The following RBM23 variants were observed in gnomAD, a reference collection of about 807,000 sequenced individuals.
RBM23 encodes probable RNA-binding protein 23.
Under a neutral mutation model 56.2 loss-of-function variants are expected in RBM23, and 53 were observed. That is an observed-to-expected ratio of 0.94 (90% CI 0.76 to 1.19). The LOEUF (loss-of-function observed/expected upper bound fraction) is 1.19. Ranked by LOEUF, RBM23 falls within the 50% of genes most tolerant of loss-of-function variation. RBM23 has a pLI of 0.00. For missense variants in RBM23, 642 were observed against 590.3 expected (o/e 1.09, Z -0.91); for synonymous variants, 197 against 198.5 (o/e 0.99, Z 0.06).
Position 22,900,721 on chromosome 14 carries a change from A to T in RBM23, c.*1009T>A, listed in dbSNP as rs904938253. 6.6e-6 allele frequency: 1 copy of T among 152,112 alleles called. No individual in the cohort carries two copies. Among genetic ancestry groups the T allele is most frequent in the Non-Finnish European group, 1.5e-5 (1 of 68,026 alleles). 9.4% of individuals were successfully genotyped at this position (152,112 alleles called of 1,614,324 possible). A position where few individuals can be genotyped will look rare whatever the true frequency, so the allele number is the denominator to read the frequency against. ...AGAAGTTGTCAGACACACAACAAAG[A>T]CCACACACAAATGGGCAACAGCTGC... On this transcript the variant is annotated 3_prime_UTR_variant, in exon 14 of 14. Transcript: ENST00000359890.
chr14:22,902,544 T>C, intron 10 of RBM23, 162 bp from the exon 11 acceptor site: 1 of 1,348,116 alleles, frequency 7.4e-7, no homozygotes, highest in East Asian at 2.7e-5. Flanking sequence ...CACCTCAAAA[T>C]GGTTCTCTGA....
In RBM23 at chr14:22,918,252, G is replaced by C. The variant is rs910448869; in HGVS notation, c.-11+747C>G. Among the ~76,000 whole-genome samples the C allele has an allele frequency of 5.3e-5, 8 of 151,956 alleles. No homozygotes were observed. The South Asian group carries it at 1.7e-3, about 32-fold the overall frequency. The stretch of plus-strand genomic sequence containing the variant: ...TCTATTAAAAATACAAAAATTAGCC[G>C]GGCGTTGTGGCAGGCGCCTGTAATC... On this transcript the variant is annotated intron_variant, in intron 1 of 13. Coordinates refer to ENST00000359890, the MANE Select transcript of RBM23 (RefSeq NM_001077351.2).
At position 22,904,924 on chromosome 14, in the gene RBM23, A is replaced by C; in HGVS notation, c.815T>G (p.Phe272Cys). 2 of 1,614,176 alleles carry C rather than the reference A, an allele frequency of 1.2e-6. No individual in the cohort carries two copies. The highest frequency in any genetic ancestry group is 1.7e-6 in the Non-Finnish European group (2 of 1,180,018). ...CCGGAGCATGTCTTCAGTGATATTG[A>C]AGTGCAGGGAACCCACATAGAGGCG... Reference protein sequence around the residue: ...PMRLYVGSLHFNITEDMLRGI... With the variant: ...PMRLYVGSLHCNITEDMLRGI... Residue 272 changes from phenylalanine (F) to cysteine (C), a missense_variant, in exon 9 of 14, where the codon TTC (phenylalanine) becomes TGC (cysteine). Coordinates refer to ENST00000359890, the MANE Select transcript of RBM23 (RefSeq NM_001077351.2).
rs746677482 is a variant in RBM23 at position 22,905,332 on chromosome 14, T to C, written c.573+4A>G. ...TCAGAAGAAAACTAAGGTGGGAGGG[T>C]TACCTTGCCTACAGCAGAGAAAAAG... On this transcript the variant is annotated splice_donor_region_variant and intron_variant, in intron 7 of 13. Coordinates refer to ENST00000359890, the MANE Select transcript of RBM23 (RefSeq NM_001077351.2). 13 of 1,613,856 alleles carry C rather than the reference T, an allele frequency of 8.1e-6. No homozygotes were observed. In the East Asian group the frequency reaches 2.7e-4, roughly 33 times the overall value.
Position 22,911,338 on chromosome 14 carries a change from T to C in RBM23, c.56A>G (p.Lys19Arg). 6.2e-7 allele frequency: 1 copy of C among 1,613,680 alleles called. No homozygotes were observed. Among genetic ancestry groups the C allele is most frequent in the Middle Eastern group, 1.7e-4 (1 of 6,054 alleles). Residue 19 changes from lysine to arginine, a missense_variant, in exon 2 of 14, where the codon AAA becomes AGA. Transcript: ENST00000359890. Reference protein sequence around the residue: ...VIEAMLEAPYKKEEDEQQRKE... With the variant: ...VIEAMLEAPYRKEEDEQQRKE... ...GGTGGAAAATATTACCTCTTCTTTT[T>C]TATAGGGAGCTTCCAGCATGGCCTC... is the stretch of plus-strand genomic sequence containing the variant.
In RBM23 at chr14:22,901,476, A is replaced by G; in HGVS notation, c.*254T>C. The G allele has an allele frequency of 3.4e-6, 2 of 593,232 alleles. No individual in the cohort carries two copies. Among genetic ancestry groups the G allele is most frequent in the Non-Finnish European group, 3.0e-6 (1 of 330,866 alleles). The allele number at this position is 593,232 out of a possible 1,614,324, so 36.7% of individuals were successfully genotyped here. The stretch of plus-strand genomic sequence containing the variant: ...GTAATCTCAGAGACGATACACATGG[A>G]GAAACAGGTATTCAATGCAGGTGTG... On this transcript the variant is annotated 3_prime_UTR_variant, in exon 14 of 14. Transcript: ENST00000359890.
rs1482413893 is a variant in RBM23, at chr14:22,897,051, G to A, written c.*4679C>T. The A allele has an allele frequency of 6.6e-6, 1 of 152,210 alleles. No individual in the cohort carries two copies. The highest frequency in any genetic ancestry group is 1.5e-5 in the Non-Finnish European group (1 of 68,044). 9.4% of individuals were successfully genotyped at this position (152,210 alleles called of 1,614,324 possible). Reference sequence around the variant, plus strand: ...CCATGGTAACATCAGAAAGAGTAAAGCTGCATCTTCTCTCCTGGTGGAGTG... The same window carrying A: ...CCATGGTAACATCAGAAAGAGTAAAACTGCATCTTCTCTCCTGGTGGAGTG... On this transcript the variant is annotated 3_prime_UTR_variant, in exon 14 of 14. Transcript: ENST00000359890.
chr14:22,911,560 A>C (rs773554186), intron 1 of RBM23, 157 bp from the exon 2 acceptor site: 1 of 565,332 alleles, frequency 1.8e-6, no homozygotes, highest in Non-Finnish European at 3.1e-6. Flanking sequence ...GCTGTCACTT[A>C]CTCTAGGTTT....
intron 1 of RBM23, among the ~76,000 whole-genome samples, chr14:22,912,717 C>A (rs778010472): frequency 6.6e-6 from 1 of 152,072 alleles, no homozygotes; most frequent in Non-Finnish European, 1.5e-5. Flanking sequence ...AGGCCAGGCG[C>A]GGTGGCTCAT....
At chr14:22,904,606 G>C (rs1196795124) in intron 9 of RBM23, among the ~76,000 whole-genome samples, 1 of 151,640 alleles carries the variant, frequency 6.6e-6, no homozygotes. Context: ...CGACTAGTTG[G>C]GACTATAGGC....
Position 22,901,832 on chromosome 14 carries a change from A to G in RBM23, c.1298T>C (p.Leu433Pro). The G allele has an allele frequency of 6.2e-7, 1 of 1,614,228 alleles. No individual in the cohort carries two copies. Among genetic ancestry groups the G allele is most frequent in the Non-Finnish European group, 8.5e-7 (1 of 1,180,036 alleles). ...GACTCACATGGTCTGGGGGGTAAAG[A>G]GGCTGGAGAGCTGGAAACACTGGGA... ...LASQCFQLSS[L>P]FTPQTM Residue 433 changes from leucine (L) to proline (P), a missense_variant, in exon 13 of 14, where the codon CTC (leucine) becomes CCC (proline). By Grantham distance (98) the Leu-to-Pro change is moderately conservative. Coordinates refer to ENST00000359890, the MANE Select transcript of RBM23 (RefSeq NM_001077351.2).
At chr14:22,916,087 G>A (rs1044120694) in intron 1 of RBM23, among the ~76,000 whole-genome samples, 11 of 152,070 alleles carry the variant, frequency 7.2e-5, no homozygotes, top group African/African-American at 2.7e-4. Context: ...ATGGTGGTGC[G>A]TGCCTGTAGT....
At position 22,911,389 on chromosome 14, in the gene RBM23, G is replaced by A. The variant is rs1416522234; in HGVS notation, c.5C>T (p.Ala2Val). Residue 2 changes from alanine to valine, a missense_variant, in exon 2 of 14, where the codon GCA becomes GTA. Ala to Val is a moderately conservative substitution (Grantham distance 64). Transcript: ENST00000359890. The stretch of plus-strand genomic sequence containing the variant: ...AATCACTATGTCAAAGTCATCAGAT[G>A]CCATCCTGTCAGATCTGGGGAGAGG... M[A>V]SDDFDIVIEA... 1 of 1,613,324 alleles carries A rather than the reference G, an allele frequency of 6.2e-7. No homozygotes were observed. The highest frequency in any genetic ancestry group is 8.5e-7 in the Non-Finnish European group (1 of 1,179,432).
In RBM23 at chr14:22,904,921, T is replaced by A. The variant is rs201316196; in HGVS notation, c.818A>T (p.Asn273Ile). ...GCCCCGGAGCATGTCTTCAGTGATA[T>A]TGAAGTGCAGGGAACCCACATAGAG... The part of the protein sequence containing the change: ...MRLYVGSLHF[N>I]ITEDMLRGIF... Residue 273 changes from asparagine (N) to isoleucine (I), a missense_variant, in exon 9 of 14, where the codon AAT becomes ATT. Transcript: ENST00000359890. 6.2e-7 allele frequency: 1 copy of A among 1,614,202 alleles called. No homozygotes were observed. The highest frequency in any genetic ancestry group is 8.5e-7 in the Non-Finnish European group (1 of 1,180,030).
rs778116208 is a variant in RBM23, at chr14:22,906,309, C to T, written c.287G>A (p.Arg96Gln). 1.1e-5 allele frequency: 17 copies of T among 1,614,102 alleles called. No individual in the cohort carries two copies. The highest frequency in any genetic ancestry group is 1.6e-4 in the Middle Eastern group (1 of 6,084). Residue 96 changes from arginine (R) to glutamine (Q), a missense_variant, in exon 5 of 14, where the codon CGG becomes CAG. By Grantham distance (43) the Arg-to-Gln change is conservative. Transcript: ENST00000359890. ...GCTACGGCTACGGTGACGACACTGC[C>T]GACCTGGACTTCGGCTCCGACTATT... ...RRNSRSRSPG[R>Q]QCRHRSRSWD... is the part of the protein sequence containing the mutation.
At position 22,902,199 on chromosome 14, in the gene RBM23, T is replaced by C. The variant is rs779644040; in HGVS notation, c.1114A>G (p.Lys372Glu). 2.5e-6 allele frequency: 4 copies of C among 1,613,836 alleles called. No homozygotes were observed. Among genetic ancestry groups the C allele is most frequent in the East Asian group, 4.5e-5 (2 of 44,858 alleles). ...SAGGRFQLMA[K>E]LAEGAGIQLP... ...GGAGATATTTTACCTTCTGCCAGTT[T>C]TGCCATGAGCTGAAAACGTCCACCT... Residue 372 changes from lysine to glutamate, a missense_variant, in exon 11 of 14, where the codon AAA becomes GAA. Transcript: ENST00000359890.
intron 1 of RBM23, chr14:22,913,946 C>T (rs1329032907): frequency 6.6e-6 from 1 of 151,340 alleles, no homozygotes; most frequent in African/African-American, 2.4e-5. Flanking sequence ...ATTGCTTGAA[C>T]CCGGGAGGCG....
chr14:22,908,305 C>T, intron 4 of RBM23, 28 bp downstream of exon 4: 1 of 1,548,968 alleles, frequency 6.5e-7, no homozygotes, highest in Non-Finnish European at 8.7e-7. Context: ...AAGATACGAG[C>T]CACTGTGCCT....
intron 1 of RBM23, chr14:22,914,114 C>G (rs577321856): frequency 1.3e-5 from 2 of 151,684 alleles, no homozygotes; most frequent in Admixed American, 6.6e-5. Context: ...ATCATAAGGT[C>G]AAGAGATCGA....
Sources: gnomAD v4.1 joint callset for allele counts (sites outside exome capture counted in the v4.1 genomes callset) on GRCh38, gnomAD v4.1.1 for gene constraint, MANE v1.5 for transcripts, NCBI Gene and HGNC (gene_info 2026-07-23, HGNC 2026-07-21) for gene names.